Variants in OPA1 observed in about 807,000 individuals in gnomAD.
OPA1 encodes OPA1 mitochondrial dynamin like GTPase.
OPA1 carries 59 observed loss-of-function variants against 152.9 expected under a neutral mutation model. The observed-to-expected ratio is 0.39, with a 90% CI of 0.31 to 0.48. The LOEUF is 0.48. OPA1 is among the 20% of genes least tolerant of loss of function. OPA1 has a pLI of 0.96. For synonymous variants in OPA1, 400 were observed against 389.9 expected, an observed-to-expected ratio of 1.03 and a Z score of -0.31; for missense variants, 1,008 against 1,216.8, an observed-to-expected ratio of 0.83 and a Z score of 2.55.
chr3:193,640,984 G>T (rs890939334), intron 11 of OPA1, among the ~76,000 whole-genome samples: 1 of 152,022 alleles, frequency 6.6e-6, no homozygotes, highest in African/African-American at 2.4e-5. Context: ...TTCTGTGTGT[G>T]GTACTGTGTG....
intron 16 of OPA1, 194 bp downstream of exon 16, chr3:193,644,299 C>T (rs908584995): frequency 1.6e-5 from 9 of 571,772 alleles, no homozygotes; most frequent in African/African-American, 1.9e-5. Flanking sequence ...ACCAGGCTCA[C>T]GTTTTTCCAC....
chr3:193,649,724 T>C (rs1366899340), intron 21 of OPA1, among the ~76,000 whole-genome samples: 1 of 152,156 alleles, frequency 6.6e-6, no homozygotes, highest in Non-Finnish European at 1.5e-5. Context: ...GTGCCCTTTC[T>C]TCCTCAGTGG....
At chr3:193,694,349 T>C (rs1239812899) in intron 30 of OPA1, among the ~76,000 whole-genome samples, 1 of 152,262 alleles carries the variant, frequency 6.6e-6, no homozygotes, top group East Asian at 1.9e-4. Flanking sequence ...TAATATTTGC[T>C]GAAGGTGTTT....
At chr3:193,668,653 C>G in intron 29 of OPA1, 1 of 1,488,360 alleles carries the variant, frequency 6.7e-7, no homozygotes, top group African/African-American at 1.4e-5. Context: ...CTCCTCAGTA[C>G]TGGACCAGGC....
intron 29 of OPA1, among the ~76,000 whole-genome samples, chr3:193,683,392 T>C (rs1317202291): frequency 6.6e-6 from 1 of 151,834 alleles, no homozygotes; most frequent in African/African-American, 2.4e-5. Context: ...GAATATTACA[T>C]AAACTTAGTA....
chr3:193,632,675 C>T (rs531550584), intron 8 of OPA1, among the ~76,000 whole-genome samples: 1 of 152,022 alleles, frequency 6.6e-6, no homozygotes, highest in Non-Finnish European at 1.5e-5. Flanking sequence ...TTGAGACCAG[C>T]TTGGGCAACC....
At chr3:193,606,525 T>G (rs1727313239) in intron 1 of OPA1, among the ~76,000 whole-genome samples, 1 of 152,066 alleles carries the variant, frequency 6.6e-6, no homozygotes. Flanking sequence ...TGTTTGGTTT[T>G]TTGTCCTTGT....
chr3:193,651,268 G>A (rs1202585371), intron 21 of OPA1, among the ~76,000 whole-genome samples: 1 of 152,190 alleles, frequency 6.6e-6, no homozygotes, highest in Admixed American at 6.5e-5. Flanking sequence ...GGAGAAAACT[G>A]TAAGCAAGGA....
At chr3:193,613,531 T>C (rs1167753774) in intron 1 of OPA1, among the ~76,000 whole-genome samples, 5 of 152,104 alleles carry the variant, frequency 3.3e-5, no homozygotes, top group African/African-American at 1.2e-4. Flanking sequence ...GCATTGCTCC[T>C]GTCTTCCTTG....
rs1303738720 is a variant in OPA1 at position 193,695,466 on chromosome 3, A to C, written c.*866A>C. On this transcript the variant is annotated 3_prime_UTR_variant, in exon 31 of 31. Transcript: ENST00000361510. ...TAGAATATTATCAAACATTTCAACT[A>C]GGTATCAGAAAAAGGCTTTCTTTCA... 1 of 152,208 alleles carries C rather than the reference A, an allele frequency of 6.6e-6. No individual in the cohort carries two copies. Among genetic ancestry groups the C allele is most frequent in the Non-Finnish European group, 1.5e-5 (1 of 68,032 alleles). The allele number at this position is 152,208 out of a possible 1,614,324, so 9.4% of individuals were successfully genotyped here.
intron 22 of OPA1, among the ~76,000 whole-genome samples, chr3:193,655,815 G>A (rs1246352678): frequency 6.6e-6 from 1 of 152,228 alleles, no homozygotes; most frequent in Non-Finnish European, 1.5e-5. Flanking sequence ...CAAGCTAAGA[G>A]TCAGTGTGTC....
chr3:193,658,235 A>T (rs1714356206), intron 23 of OPA1, among the ~76,000 whole-genome samples: 1 of 144,034 alleles, frequency 6.9e-6, no homozygotes. Context: ...ACAAGAGCAA[A>T]ACTCCGTTTT....
rs1165192415 is a variant in OPA1 at position 193,695,718 on chromosome 3, C to T, written c.*1118C>T. On this transcript the variant is annotated 3_prime_UTR_variant, in exon 31 of 31. Transcript: ENST00000361510. Reference sequence around the variant, plus strand: ...ATGTCTATCTCATTTGCTGCCTTTTCACTAAGCCTTTACTTTGTTAATAAA... The same window carrying T: ...ATGTCTATCTCATTTGCTGCCTTTTTACTAAGCCTTTACTTTGTTAATAAA... 1 of 152,150 alleles carries T rather than the reference C, an allele frequency of 6.6e-6. No homozygotes were observed. The allele number at this position is 152,150 out of a possible 1,614,324, so 9.4% of individuals were successfully genotyped here.
intron 6 of OPA1, among the ~76,000 whole-genome samples, chr3:193,622,777 C>T (rs1313274214): frequency 1.3e-5 from 2 of 152,138 alleles, no homozygotes; most frequent in Non-Finnish European, 2.9e-5. Context: ...ATCTTTTTCT[C>T]AGAGCACCTG....
At chr3:193,603,564 A>G (rs1160668244) in intron 1 of OPA1, 2 of 152,188 alleles carry the variant, frequency 1.3e-5, no homozygotes, top group Non-Finnish European at 2.9e-5. Context: ...AGAGGTGAGA[A>G]ACCTTCGTAG....
chr3:193,643,204 A>G (rs1476381937), intron 13 of OPA1, among the ~76,000 whole-genome samples, 155 bp downstream of exon 13: 1 of 152,184 alleles, frequency 6.6e-6, no homozygotes, highest in African/African-American at 2.4e-5. Flanking sequence ...TTTTGTGGGT[A>G]ATTTTCCAGA....
intron 1 of OPA1, among the ~76,000 whole-genome samples, chr3:193,611,757 A>G (rs1261458694): frequency 6.6e-6 from 1 of 152,124 alleles, no homozygotes; most frequent in Non-Finnish European, 1.5e-5. Flanking sequence ...CCTGCAGGGA[A>G]TACTCCTTGC....
At chr3:193,620,597 A>G (rs1281662099) in intron 6 of OPA1, among the ~76,000 whole-genome samples, 2 of 143,952 alleles carry the variant, frequency 1.4e-5, no homozygotes, top group East Asian at 4.0e-4. Context: ...TATGGTGCTT[A>G]TTTTCCCCAT....
chr3:193,694,282 A>C (rs113282714), intron 30 of OPA1, among the ~76,000 whole-genome samples: 3 of 152,236 alleles, frequency 2.0e-5, no homozygotes, highest in Admixed American at 2.0e-4. Flanking sequence ...AAGGACCCTA[A>C]GGAATACTTT....
Sources: gnomAD v4.1 joint callset for allele counts (sites outside exome capture counted in the v4.1 genomes callset) on GRCh38, gnomAD v4.1.1 for gene constraint, MANE v1.5 for transcripts, NCBI Gene and HGNC (gene_info 2026-07-23, HGNC 2026-07-21) for gene names.